The following ASAH2 variants were observed in gnomAD, a reference collection of about 807,000 sequenced individuals.
ASAH2 encodes N-acylsphingosine amidohydrolase 2, also known as neutral ceramidase.
Under a neutral mutation model 82.9 loss-of-function variants are expected in ASAH2, and 58 were observed. The ratio of observed to expected loss-of-function variants is 0.70; its 90% CI spans 0.57 to 0.87. The LOEUF (loss-of-function observed/expected upper bound fraction) is 0.87, where lower values mean the gene tolerates loss of function less well. Among genes scored for constraint, ASAH2 ranks in the 40% least tolerant of loss-of-function variants. The probability of loss-of-function intolerance (pLI) is 0.00; values close to 1 mark genes in which losing one functional copy is unlikely to be tolerated. For missense variants in ASAH2, 779 were observed against 834.0 expected (o/e 0.93, Z 0.81); for synonymous variants, 276 against 289.7 (o/e 0.95, Z 0.48).
rs756428088 is a variant in ASAH2 at position 50,248,641 on chromosome 10, G to T, written c.-31C>A. On this transcript the variant is annotated 5_prime_UTR_variant, in exon 2 of 21. Transcript: ENST00000682911. ...CTCAGGTACAGCAGAGATGGAAGAA[G>T]AAATACTGAAGAGGAAGAAATCACA... The T allele has an allele frequency of 1.9e-6, 3 of 1,601,594 alleles. No homozygotes were observed. Among genetic ancestry groups the T allele is most frequent in the African/African-American group, 2.7e-5 (2 of 74,556 alleles).
chr10:50,219,629 C>T (rs1049797237), intron 7 of ASAH2, among the ~76,000 whole-genome samples: 2 of 152,148 alleles, frequency 1.3e-5, no homozygotes, highest in Non-Finnish European at 2.9e-5. Flanking sequence ...AATCTTTAAA[C>T]GTTTTTGCTT....
At chr10:50,220,782 GT>G (rs1194525176) in intron 7 of ASAH2, among the ~76,000 whole-genome samples, 1 of 116,196 alleles carries the variant, frequency 8.6e-6, no homozygotes, top group Non-Finnish European at 1.7e-5. Context: ...TAAAAGTTAA[GT>G]TTTTAAAAAA....
intron 8 of ASAH2, among the ~76,000 whole-genome samples, chr10:50,217,630 C>G (rs1845640785): frequency 6.6e-6 from 1 of 152,146 alleles, no homozygotes; most frequent in African/African-American, 2.4e-5. Context: ...GTTGTTCAGT[C>G]TTGAACTTTT....
At chr10:50,217,022 T>C (rs1301415907) in intron 8 of ASAH2, among the ~76,000 whole-genome samples, 6 of 152,162 alleles carry the variant, frequency 3.9e-5, no homozygotes, top group Non-Finnish European at 7.3e-5. Context: ...CTGAGAGCTG[T>C]AGCCTAGCAG....
At chr10:50,210,248 C>A (rs1168390003) in intron 12 of ASAH2, among the ~76,000 whole-genome samples, 1 of 152,162 alleles carries the variant, frequency 6.6e-6, no homozygotes, top group African/African-American at 2.4e-5. Context: ...CACCTGTAAT[C>A]CCAGCACTCT....
chr10:50,220,316 A>T (rs2133214244), intron 7 of ASAH2, among the ~76,000 whole-genome samples: 1 of 152,356 alleles, frequency 6.6e-6, no homozygotes, highest in Non-Finnish European at 1.5e-5. Flanking sequence ...ATCTAAAGAC[A>T]CATGGACACG....
In ASAH2 at chr10:50,187,895, GTATA is replaced by G. The variant is rs1316750665; in HGVS notation, c.2154-395_2154-392del. Among the ~76,000 whole-genome samples the G allele has an allele frequency of 2.1e-4, 4 of 18,708 alleles. 2 individuals are homozygous for G. Among genetic ancestry groups the G allele is most frequent in the African/African-American group, 1.2e-4 (2 of 16,526 alleles). The allele number at this position is 18,708 out of a possible 152,430, so 12.3% of individuals were successfully genotyped here. A position where few individuals can be genotyped will look rare whatever the true frequency, so the allele number is the denominator to read the frequency against. ...GTTTTCTATATATATATGTGTGTGTGTATATATATATATATATGTATATATATAT... is the reference window on the plus strand; with the variant it reads ...GTTTTCTATATATATATGTGTGTGTGTATATATATATATGTATATATATAT... On this transcript the variant is annotated intron_variant, in intron 20 of 20. Transcript: ENST00000682911.
In ASAH2 at chr10:50,248,579, G is replaced by A. The variant is rs1846533786; in HGVS notation, c.32C>T (p.Thr11Ile). 3 of 1,613,718 alleles carry A rather than the reference G, an allele frequency of 1.9e-6. No homozygotes were observed. Among genetic ancestry groups the A allele is most frequent in the Non-Finnish European group, 2.5e-6 (3 of 1,179,628 alleles). ...CATTACAAGGAGGAAAATCAGGAAT[G>A]TCTCCAAGTTAGAGAAGGTGCGTTT... MAKRTFSNLETFLIFLLVMMS... is the reference protein window; with the variant it reads MAKRTFSNLEIFLIFLLVMMS... The change falls in exon 2 of 21, where the codon ACA becomes ATA. Residue 11 changes from threonine to isoleucine, a missense_variant. Physicochemically the swap from Thr to Ile is moderately conservative, Grantham distance 89. This residue lies in a region of ASAH2 where 759 missense variants were observed against 755.2 expected (regional missense o/e 1.00). Transcript: ENST00000682911.
intron 13 of ASAH2, 40 bp from the exon 14 acceptor site, chr10:50,204,995 C>G: frequency 7.1e-7 from 1 of 1,401,378 alleles, no homozygotes; most frequent in Non-Finnish European, 9.9e-7. Context: ...AGGGATAACA[C>G]TCTCTCTATG....
Position 50,203,644 on chromosome 10 carries a change from T to G in ASAH2, c.1661A>C (p.Gln554Pro). The change falls in exon 15 of 21, where the codon CAA (glutamine) becomes CCA (proline). Residue 554 changes from glutamine (Q) to proline (P), a missense_variant. By Grantham distance (76) the Gln-to-Pro change is moderately conservative (BLOSUM62 -1). Around this residue, in one of 3 missense-constraint regions of ASAH2, gnomAD observed 759 missense variants for 755.2 expected, o/e 1.00. Coordinates refer to ENST00000682911, the MANE Select transcript of ASAH2 (RefSeq NM_019893.4). ...MSGRRLREAV[Q>P]AEFASHGMQN... The stretch of plus-strand genomic sequence containing the variant: ...GTTATTTTATTTTTAACTTACTGCT[T>G]GAACTGCCTCTCGAAGTCTTCGTCC... The G allele has an allele frequency of 6.2e-7, 1 of 1,612,320 alleles. No homozygotes were observed. Among genetic ancestry groups the G allele is most frequent in the Non-Finnish European group, 8.5e-7 (1 of 1,178,638 alleles).
intron 8 of ASAH2, among the ~76,000 whole-genome samples, chr10:50,216,637 A>G (rs1589336198): frequency 6.6e-6 from 1 of 150,436 alleles, no homozygotes; most frequent in Non-Finnish European, 1.5e-5. Flanking sequence ...AACTAAATAT[A>G]CCATCCACAA....
chr10:50,203,577 A>AATCCTATGGT, intron 15 of ASAH2, 63 bp downstream of exon 15: 44 of 1,319,272 alleles, frequency 3.3e-5, no homozygotes, highest in Non-Finnish European at 4.2e-5. Context: ...TCATAGGGAT[A>AATCCTATGGT]GGATATACTT....
At chr10:50,212,163 C>G (rs1845470910) in intron 10 of ASAH2, among the ~76,000 whole-genome samples, 1 of 148,502 alleles carries the variant, frequency 6.7e-6, no homozygotes, top group Non-Finnish European at 1.5e-5. Context: ...ATTTTAGAAC[C>G]CTTGGAATAA....
At chr10:50,223,797 G>C (rs1845808506) in intron 7 of ASAH2, among the ~76,000 whole-genome samples, 1 of 152,162 alleles carries the variant, frequency 6.6e-6, no homozygotes, top group South Asian at 2.1e-4. Flanking sequence ...GGAACAGAGA[G>C]AAACCCAGAG....
At chr10:50,213,801 CTTTAAAAAG>C (rs2133208924) in intron 9 of ASAH2, among the ~76,000 whole-genome samples, 1 of 152,070 alleles carries the variant, frequency 6.6e-6, no homozygotes, top group East Asian at 1.9e-4. Context: ...ATATTAGGAG[CTTTAAAAAG>C]TCGATAAGAA....
chr10:50,220,850 A>C (rs2133214700), intron 7 of ASAH2, among the ~76,000 whole-genome samples: 1 of 151,846 alleles, frequency 6.6e-6, no homozygotes, highest in Non-Finnish European at 1.5e-5. Flanking sequence ...AAAAAAAAAA[A>C]AAAAAAAAAA....
chr10:50,204,871 C>G lies in ASAH2; in HGVS notation c.1615G>C (p.Gly539Arg). ...LGSLAITAIP[G>R]EFTTMSGRRL... ...AAAAGAAAAACTTACGTAAACTCCC[C>G]GGGGATGGCAGTTATGGCCAAGGAC... Residue 539 changes from glycine to arginine, a missense_variant, in exon 14 of 21, where the codon GGG becomes CGG. This residue lies in a region of ASAH2 where 759 missense variants were observed against 755.2 expected (regional missense o/e 1.00). Coordinates refer to ENST00000682911, the MANE Select transcript of ASAH2 (RefSeq NM_019893.4). 6.8e-6 allele frequency: 11 copies of G among 1,608,506 alleles called. No individual in the cohort carries two copies. The highest frequency in any genetic ancestry group is 9.4e-6 in the Non-Finnish European group (11 of 1,176,100).
At chr10:50,250,031 G>A (rs1032225590) in intron 1 of ASAH2, among the ~76,000 whole-genome samples, 4 of 152,108 alleles carry the variant, frequency 2.6e-5, no homozygotes, top group Non-Finnish European at 4.4e-5. Flanking sequence ...ATAGCATTCA[G>A]AGTTTATAAA....
Position 50,199,110 on chromosome 10 carries a change from G to T in ASAH2, c.1798C>A (p.Pro600Thr). The change falls in exon 17 of 21, where the codon CCG becomes ACG. Residue 600 changes from proline (P) to threonine (T), a missense_variant. Coordinates refer to ENST00000682911, the MANE Select transcript of ASAH2 (RefSeq NM_019893.4). ...RYEAASTIYG[P>T]HTLSAYIQLF... ...TGAATGTAAGCAGATAATGTGTGCG[G>T]TCCATAAATTGTCGATGCTGCCTCA... 1 of 1,613,314 alleles carries T rather than the reference G, an allele frequency of 6.2e-7. No individual in the cohort carries two copies. Among genetic ancestry groups the T allele is most frequent in the South Asian group, 1.1e-5 (1 of 91,078 alleles).
Sources: allele counts gnomAD v4.1 joint callset (sites outside exome capture counted in the v4.1 genomes callset), GRCh38; gene constraint gnomAD v4.1.1; regional missense constraint gnomAD v4.1.1; transcripts MANE v1.5; gene names NCBI Gene and HGNC (gene_info 2026-07-23, HGNC 2026-07-21).